Variants in TMEM131L observed in about 807,000 individuals in gnomAD.
TMEM131L encodes the protein transmembrane protein 131-like.
Under a neutral mutation model 192.2 loss-of-function variants are expected in TMEM131L, and 54 were observed. The ratio of observed to expected loss-of-function variants is 0.28; its 90% CI spans 0.23 to 0.35. TMEM131L has a LOEUF of 0.35. TMEM131L is among the 10% of genes least tolerant of loss of function. The pLI is 1.00. For synonymous variants in TMEM131L, 701 were observed against 704.9 expected, an observed-to-expected ratio of 0.99 and a Z score of 0.09; for missense variants, 1,888 against 1,972.9, an observed-to-expected ratio of 0.96 and a Z score of 0.82.
Position 153,484,820 on chromosome 4 carries a change from T to TA in TMEM131L, c.239+10945dup, listed in dbSNP as rs1202314990. On this transcript the variant is annotated intron_variant, in intron 3 of 34. Transcript: ENST00000409959. ...GTAAGCATGAAAATTCTTTGGAAAT[T>TA]AAAAAAAAAAAAATTCAGGCCAGGT... Among the ~76,000 whole-genome samples, 267 of 125,720 alleles carry TA rather than the reference T, an allele frequency of 2.1e-3. 1 individual carries two copies. The highest frequency in any genetic ancestry group is 5.3e-3 in the African/African-American group (179 of 33,936). 82.5% of individuals were successfully genotyped at this position (125,720 alleles called of 152,430 possible). A position where few individuals can be genotyped will look rare whatever the true frequency, so the allele number is the denominator to read the frequency against.
chr4:153,467,004 T>A (rs1016563306), intron 1 of TMEM131L, among the ~76,000 whole-genome samples: 5 of 152,078 alleles, frequency 3.3e-5, no homozygotes, highest in Admixed American at 1.3e-4. Context: ...GCCTGCACGC[T>A]GTCGCCTTCG....
chr4:153,549,961 G>A (rs9996529), intron 3 of TMEM131L, 112 bp from the exon 4 acceptor site: 175,444 of 459,192 alleles, frequency 0.38, 41,052 homozygotes, highest in African/African-American at 0.84. Context: ...TAAAATCTAT[G>A]AGGGAGTAAA....
chr4:153,572,005 A>T lies in TMEM131L; in HGVS notation c.661-8821A>T, dbSNP rs183892984. 8.6e-5 allele frequency among the ~76,000 whole-genome samples: 13 copies of T among 151,876 alleles called. No homozygotes were observed. The East Asian group carries it at 2.5e-3, about 29-fold the overall frequency. On this transcript the variant is annotated intron_variant, in intron 7 of 34. Coordinates refer to ENST00000409959, the MANE Select transcript of TMEM131L (RefSeq NM_001131007.2). The stretch of plus-strand genomic sequence containing the variant: ...TCAAAGTATCTCCACTTCTCTTTTT[A>T]TATCTGTTTAACCTGACTTTCTAGA...
At chr4:153,613,935 G>A (rs547911147) in intron 26 of TMEM131L, among the ~76,000 whole-genome samples, 3 of 152,142 alleles carry the variant, frequency 2.0e-5, no homozygotes, top group Non-Finnish European at 2.9e-5. Flanking sequence ...TCCAAACTAC[G>A]AATTTACAGT....
chr4:153,600,927 G>T (rs1433912614), intron 21 of TMEM131L, among the ~76,000 whole-genome samples: 1 of 151,444 alleles, frequency 6.6e-6, no homozygotes, highest in African/African-American at 2.4e-5. Flanking sequence ...CCTGGCCAAC[G>T]TGGTGAAGCC....
intron 3 of TMEM131L, among the ~76,000 whole-genome samples, chr4:153,546,606 G>C (rs1050307362): frequency 6.6e-6 from 1 of 152,148 alleles, no homozygotes; most frequent in Non-Finnish European, 1.5e-5. Context: ...TTAGCAGTTT[G>C]TTCTCTCCCA....
intron 3 of TMEM131L, among the ~76,000 whole-genome samples, chr4:153,519,937 G>C (rs1490999404): frequency 6.6e-6 from 1 of 152,198 alleles, no homozygotes; most frequent in African/African-American, 2.4e-5. Context: ...AAAACTGCCA[G>C]GGTAAAGCCC....
chr4:153,478,382 G>C (rs1430769071), intron 3 of TMEM131L, among the ~76,000 whole-genome samples: 1 of 152,102 alleles, frequency 6.6e-6, no homozygotes, highest in East Asian at 1.9e-4. Flanking sequence ...CTTATTTCTT[G>C]CTACTTTGAA....
intron 3 of TMEM131L, among the ~76,000 whole-genome samples, chr4:153,546,136 C>A (rs1032162957): frequency 5.9e-5 from 9 of 152,100 alleles, no homozygotes; most frequent in Non-Finnish European, 1.2e-4. Flanking sequence ...AGCAATCCTC[C>A]CACCTTGTCC....
At chr4:153,503,743 C>A (rs1313483715) in intron 3 of TMEM131L, among the ~76,000 whole-genome samples, 1 of 152,060 alleles carries the variant, frequency 6.6e-6, no homozygotes, top group East Asian at 1.9e-4. Context: ...GTCTTGCTAG[C>A]CTCATTGCAA....
intron 3 of TMEM131L, among the ~76,000 whole-genome samples, chr4:153,474,170 C>G (rs1731363277): frequency 6.6e-6 from 1 of 152,196 alleles, no homozygotes; most frequent in Non-Finnish European, 1.5e-5. Context: ...TTATAAACAT[C>G]TATTGAGTGC....
At chr4:153,569,074 A>C (rs146073512) in intron 7 of TMEM131L, among the ~76,000 whole-genome samples, 1 of 152,200 alleles carries the variant, frequency 6.6e-6, no homozygotes. Flanking sequence ...ACAGCACAGG[A>C]TGCTTCTCTG....
rs1038256479 is a variant in TMEM131L, at chr4:153,582,433, GTTTTTTTTTT to G, written c.893-740_893-731del. On this transcript the variant is annotated intron_variant, in intron 9 of 34. Transcript: ENST00000409959. The stretch of plus-strand genomic sequence containing the variant: ...CTAATTTAAACCGTTTTTTTTTGTT[GTTTTTTTTTT>G]TTTTTTTTTTTTTTTTGTAGAGACA... Among the ~76,000 whole-genome samples, 22 of 40,326 alleles carry G rather than the reference GTTTTTTTTTT, an allele frequency of 5.5e-4. 1 individual carries two copies. Among genetic ancestry groups the G allele is most frequent in the South Asian group, 5.1e-3 (6 of 1,184 alleles). The allele number at this position is 40,326 out of a possible 152,430, so 26.5% of individuals were successfully genotyped here.
intron 18 of TMEM131L, among the ~76,000 whole-genome samples, chr4:153,592,935 G>T (rs988358531): frequency 6.6e-6 from 1 of 152,086 alleles, no homozygotes; most frequent in African/African-American, 2.4e-5. Flanking sequence ...TAGTGTTTTA[G>T]TCCAATTGGC....
At chr4:153,530,307 G>A (rs1054158938) in intron 3 of TMEM131L, among the ~76,000 whole-genome samples, 6 of 152,006 alleles carry the variant, frequency 3.9e-5, no homozygotes, top group Non-Finnish European at 7.4e-5. Flanking sequence ...GAAAAGAGCC[G>A]GTTTATTGGA....
chr4:153,530,174 T>C (rs907013413), intron 3 of TMEM131L, among the ~76,000 whole-genome samples: 22 of 152,204 alleles, frequency 1.4e-4, no homozygotes, highest in South Asian at 2.1e-4. Flanking sequence ...GTGTAAAAAT[T>C]GCTGGTTGAA....
intron 25 of TMEM131L, among the ~76,000 whole-genome samples, chr4:153,607,009 TAAA>T (rs1732286752): frequency 1.3e-5 from 2 of 152,226 alleles, no homozygotes; most frequent in Non-Finnish European, 2.9e-5. Context: ...TCCGAGATGT[TAAA>T]AAGTGAATAA....
intron 3 of TMEM131L, among the ~76,000 whole-genome samples, chr4:153,518,372 C>G (rs574172427): frequency 6.6e-6 from 1 of 152,120 alleles, no homozygotes; most frequent in Admixed American, 6.5e-5. Context: ...AGGGAACACA[C>G]GAGAGCAGGT....
At position 153,636,390 on chromosome 4, in the gene TMEM131L, C is replaced by T. The variant is rs763965401; in HGVS notation, c.4647C>T (p.Cys1549=). The T allele has an allele frequency of 6.2e-7, 1 of 1,614,136 alleles. No homozygotes were observed. The highest frequency in any genetic ancestry group is 1.7e-5 in the Admixed American group (1 of 60,020). ...CGCAAAGCGATGTGTATGAAAATTG[C>T]TGCCCCATCAACCCCACCACGGAAC... The part of the protein sequence containing the change: ...WAPQSDVYEN[C]CPINPTTEHS... Residue 1549 remains cysteine (C), a synonymous_variant, in exon 35 of 35, where the codon TGC becomes TGT. Coordinates refer to ENST00000409959, the MANE Select transcript of TMEM131L (RefSeq NM_001131007.2).
Sources: allele counts gnomAD v4.1 joint callset (sites outside exome capture counted in the v4.1 genomes callset), GRCh38; gene constraint gnomAD v4.1.1; transcripts MANE v1.5; gene names NCBI Gene and HGNC (gene_info 2026-07-23, HGNC 2026-07-21).